The following RIMBP2 variants were observed in gnomAD, a reference collection of about 807,000 sequenced individuals.
RIMBP2 encodes the protein RIMS-binding protein 2.
Under a neutral mutation model 118.6 loss-of-function variants are expected in RIMBP2, and 48 were observed. The observed-to-expected ratio is 0.40, with a 90% CI of 0.32 to 0.51. The LOEUF (loss-of-function observed/expected upper bound fraction) is 0.51, where lower values mean the gene tolerates loss of function less well. Ranked by LOEUF, RIMBP2 falls within the 20% of genes least tolerant of loss-of-function variation. The probability of loss-of-function intolerance (pLI) is 0.41; values close to 1 mark genes in which losing one functional copy is unlikely to be tolerated. For synonymous variants in RIMBP2, 762 were observed against 742.9 expected, an observed-to-expected ratio of 1.03 and a Z score of -0.42; for missense variants, 1,551 against 1,768.3, an observed-to-expected ratio of 0.88 and a Z score of 2.20.
intron 4 of RIMBP2, among the ~76,000 whole-genome samples, chr12:130,495,277 G>C (rs2049038359): frequency 6.6e-6 from 1 of 152,206 alleles, no homozygotes; most frequent in African/African-American, 2.4e-5. Flanking sequence ...TCATGCCTCT[G>C]GACACCTGCC....
At chr12:130,440,949 A>C (rs1157462284) in intron 11 of RIMBP2, among the ~76,000 whole-genome samples, 1 of 152,170 alleles carries the variant, frequency 6.6e-6, no homozygotes, top group Non-Finnish European at 1.5e-5. Flanking sequence ...GAGAGCAAGA[A>C]GACGAAGAAA....
chr12:130,454,018 C>T (rs948188808), intron 7 of RIMBP2, among the ~76,000 whole-genome samples: 3 of 152,182 alleles, frequency 2.0e-5, no homozygotes, highest in Non-Finnish European at 2.9e-5. Flanking sequence ...CACACCATTG[C>T]ACTCCAGCCT....
chr12:130,682,066 A>G (rs1255169719), intron 1 of RIMBP2, among the ~76,000 whole-genome samples: 4 of 152,176 alleles, frequency 2.6e-5, no homozygotes, highest in South Asian at 2.1e-4. Context: ...GTGGGGCCCA[A>G]CTTCCATAGT....
At chr12:130,539,446 G>A (rs970375048) in intron 2 of RIMBP2, among the ~76,000 whole-genome samples, 4 of 152,220 alleles carry the variant, frequency 2.6e-5, no homozygotes, top group East Asian at 1.9e-4. Flanking sequence ...TGGGCACCTC[G>A]AGGGAGGAGC....
intron 1 of RIMBP2, among the ~76,000 whole-genome samples, chr12:130,676,291 T>A (rs1402044349): frequency 8.8e-6 from 1 of 113,596 alleles, no homozygotes; most frequent in African/African-American, 3.3e-5. Flanking sequence ...GGAAAAAAAA[T>A]CCAAATGTCC....
chr12:130,564,775 C>T (rs144598386), intron 2 of RIMBP2, among the ~76,000 whole-genome samples: 221 of 152,276 alleles, frequency 1.5e-3, no homozygotes, highest in Middle Eastern at 0.01. Flanking sequence ...CACTGATATA[C>T]AAGATGCATT....
chr12:130,484,901 T>C (rs1423647014), intron 4 of RIMBP2, among the ~76,000 whole-genome samples: 1 of 152,276 alleles, frequency 6.6e-6, no homozygotes, highest in Non-Finnish European at 1.5e-5. Context: ...TTCTTTTGGA[T>C]TAATTTTTCA....
intron 2 of RIMBP2, among the ~76,000 whole-genome samples, chr12:130,535,640 T>A (rs1050163311): frequency 6.7e-6 from 1 of 149,364 alleles, no homozygotes; most frequent in Non-Finnish European, 1.5e-5. Context: ...TATATACACA[T>A]AGATATACAT....
chr12:130,624,890 A>T (rs2061527802), intron 2 of RIMBP2, among the ~76,000 whole-genome samples: 1 of 151,984 alleles, frequency 6.6e-6, no homozygotes, highest in Admixed American at 6.6e-5. Flanking sequence ...ACGCCCAGCT[A>T]ATTTTTGTAT....
At chr12:130,631,425 G>GCTTTTTTGGGGC (rs1566404031) in intron 1 of RIMBP2, among the ~76,000 whole-genome samples, 2 of 152,136 alleles carry the variant, frequency 1.3e-5, no homozygotes, top group African/African-American at 4.8e-5. Context: ...CTTAAACTCA[G>GCTTTTTTGGGGC]CAGTGTGACA....
intron 6 of RIMBP2, among the ~76,000 whole-genome samples, chr12:130,463,352 GAA>G: frequency 6.6e-6 from 1 of 152,352 alleles, no homozygotes; most frequent in African/African-American, 2.4e-5. Context: ...GCACTGCTCA[GAA>G]GCAACTGAGT....
intron 1 of RIMBP2, among the ~76,000 whole-genome samples, chr12:130,677,819 C>T (rs2064568323): frequency 6.6e-6 from 1 of 152,220 alleles, no homozygotes; most frequent in Admixed American, 6.5e-5. Context: ...CATTCTTTAT[C>T]CAGCATTCAG....
At chr12:130,712,396 T>G (rs1949984107) in intron 1 of RIMBP2, among the ~76,000 whole-genome samples, 1 of 152,238 alleles carries the variant, frequency 6.6e-6, no homozygotes, top group African/African-American at 2.4e-5. Context: ...TTGATTTTTT[T>G]GTTTGTTTGC....
intron 14 of RIMBP2, chr12:130,429,198 G>A (rs1439049173): frequency 1.3e-5 from 2 of 152,314 alleles, no homozygotes; most frequent in Non-Finnish European, 2.9e-5. Context: ...GGCAGGAGGT[G>A]GAGCCACCGC....
At chr12:130,583,256 GA>G (rs1418097602) in intron 2 of RIMBP2, among the ~76,000 whole-genome samples, 1 of 152,134 alleles carries the variant, frequency 6.6e-6, no homozygotes, top group Non-Finnish European at 1.5e-5. Flanking sequence ...GTGAAGGAGG[GA>G]TTTTAGCACC....
In RIMBP2 at chr12:130,567,652, T is replaced by G. The variant is rs569438063; in HGVS notation, c.-216-49735A>C. On this transcript the variant is annotated intron_variant, in intron 2 of 22. Coordinates refer to ENST00000690449, the MANE Select transcript of RIMBP2 (RefSeq NM_001393629.1). ...TTCCTACTTGCCATTTTCCCACATT[T>G]GCAGGCTCAGCATCACATATCCCCC... is the stretch of plus-strand genomic sequence containing the variant. 7.9e-5 allele frequency among the ~76,000 whole-genome samples: 12 copies of G among 152,272 alleles called. No homozygotes were observed. The South Asian group carries it at 1.9e-3, about 24-fold the overall frequency.
chr12:130,473,447 G>A (rs986562143), intron 5 of RIMBP2, among the ~76,000 whole-genome samples: 4 of 152,208 alleles, frequency 2.6e-5, no homozygotes, highest in African/African-American at 7.2e-5. Flanking sequence ...GGGGGATGGC[G>A]CTCACAGAAG....
rs190045594 is a variant in RIMBP2, at chr12:130,421,682, T to C, written c.3238+771A>G. Among the ~76,000 whole-genome samples the C allele has an allele frequency of 7.3e-3, 1,029 of 141,618 alleles. 7 individuals are homozygous for C. Among genetic ancestry groups the C allele is most frequent in the African/African-American group, 0.026 (978 of 37,860 alleles). The allele number at this position is 141,618 out of a possible 152,430, so 92.9% of individuals were successfully genotyped here. A position where few individuals can be genotyped will look rare whatever the true frequency, so the allele number is the denominator to read the frequency against. On this transcript the variant is annotated intron_variant, in intron 17 of 22. Transcript: ENST00000690449. The stretch of plus-strand genomic sequence containing the variant: ...TTTCTGCTGTATCAAGAGTTCTCCC[T>C]GCATTTATATGTGTGTGTGTGTGTG...
rs2065942240 is a variant in RIMBP2 at position 130,703,213 on chromosome 12, C to A, written c.-352+13009G>T. 6.6e-6 allele frequency among the ~76,000 whole-genome samples: 1 copy of A among 152,092 alleles called. No homozygotes were observed. Among genetic ancestry groups the A allele is most frequent in the Admixed American group, 6.6e-5 (1 of 15,256 alleles). ...GGCAGCCAATTAACCAGGAGAGTCA[C>A]CCTCCTGGTTGACAGATGACGCCTG... On this transcript the variant is annotated intron_variant, in intron 1 of 22. Coordinates refer to ENST00000690449, the MANE Select transcript of RIMBP2 (RefSeq NM_001393629.1). The surrounding 1 kb of genome is among the most constrained non-coding windows in gnomAD (Gnocchi z 5.7).
Sources: gnomAD v4.1 joint callset for allele counts (sites outside exome capture counted in the v4.1 genomes callset) on GRCh38, gnomAD v4.1.1 for gene constraint, Gnocchi (gnomAD v3.1) non-coding constraint, MANE v1.5 for transcripts, NCBI Gene and HGNC (gene_info 2026-07-23, HGNC 2026-07-21) for gene names.